The following MTREX variants were observed in gnomAD, a reference collection of about 807,000 sequenced individuals.
The protein encoded by MTREX is exosome RNA helicase MTR4.
A neutral mutation model predicts 135.4 loss-of-function variants in MTREX; 76 were observed. That is an observed-to-expected ratio of 0.56 (90% CI 0.47 to 0.68). The LOEUF (loss-of-function observed/expected upper bound fraction) is 0.68, where lower values mean the gene tolerates loss of function less well. Among genes scored for constraint, MTREX ranks in the 30% least tolerant of loss-of-function variants. MTREX has a pLI of 0.00. For missense variants in MTREX, 920 were observed against 1,262.1 expected (o/e 0.73, Z 4.11); for synonymous variants, 404 against 401.6 (o/e 1.01, Z -0.07).
Position 55,379,153 on chromosome 5 carries a change from C to A in MTREX, c.2010C>A (p.Gly670=). 1 of 1,609,130 alleles carries A rather than the reference C, an allele frequency of 6.2e-7. No individual in the cohort carries two copies. The highest frequency in any genetic ancestry group is 8.5e-7 in the Non-Finnish European group (1 of 1,177,098). Residue 670 remains glycine (G), a synonymous_variant, in exon 18 of 27, where the codon GGC becomes GGA. Transcript: ENST00000230640. ...VKVKNEGDDF[G]WGVVVNFSKK... The stretch of plus-strand genomic sequence containing the variant: ...TAAAGAATGAAGGAGATGACTTTGG[C>A]TGGGGAGTAGTGGTGAATTTCTCAA...
chr5:55,355,565 T>C (rs1304722655), intron 14 of MTREX, among the ~76,000 whole-genome samples: 2 of 152,162 alleles, frequency 1.3e-5, no homozygotes, highest in Non-Finnish European at 2.9e-5. Context: ...TAGTCAGAGA[T>C]AGGCTGGACC....
At chr5:55,414,071 T>G (rs1010983490) in intron 23 of MTREX, 111 bp from the exon 24 acceptor site, 1 of 697,832 alleles carries the variant, frequency 1.4e-6, no homozygotes, top group Non-Finnish European at 2.3e-6. Context: ...TAAGGTCTTA[T>G]AATTTGATAT....
chr5:55,406,145 A>G (rs1750802133), intron 22 of MTREX, among the ~76,000 whole-genome samples: 1 of 152,186 alleles, frequency 6.6e-6, no homozygotes, highest in African/African-American at 2.4e-5. Flanking sequence ...TTTCTGTTTC[A>G]GTAATCTTTT....
chr5:55,359,355 A>G (rs113623997), intron 15 of MTREX, among the ~76,000 whole-genome samples: 2,790 of 152,320 alleles, frequency 0.018, 34 homozygotes, highest in Non-Finnish European at 0.028. Context: ...TAAAAACACA[A>G]AATTAATTGC....
chr5:55,414,145 G>A (rs372726781), intron 23 of MTREX, 37 bp from the exon 24 acceptor site: 41 of 1,457,216 alleles, frequency 2.8e-5, no homozygotes, highest in Non-Finnish European at 3.3e-5. Context: ...AACTTTAAAC[G>A]TGGGTTTTTA....
At chr5:55,387,166 GAACTC>G (rs1254245630) in intron 18 of MTREX, among the ~76,000 whole-genome samples, 1 of 152,022 alleles carries the variant, frequency 6.6e-6, no homozygotes, top group Non-Finnish European at 1.5e-5. Context: ...GAGGAAATTT[GAACTC>G]AATGATTTAA....
intron 25 of MTREX, 85 bp downstream of exon 25, chr5:55,416,217 G>T: frequency 1.2e-6 from 1 of 827,578 alleles, no homozygotes. Flanking sequence ...AGTATAATAT[G>T]TATTTTTAAT....
chr5:55,351,188 A>C (rs1439918823), intron 13 of MTREX, among the ~76,000 whole-genome samples, 159 bp downstream of exon 13: 1 of 152,210 alleles, frequency 6.6e-6, no homozygotes, highest in Non-Finnish European at 1.5e-5. Flanking sequence ...GTTATACTTA[A>C]ATAAATCTTG....
intron 3 of MTREX, 161 bp from the exon 4 acceptor site, chr5:55,327,555 C>T: frequency 1.7e-6 from 1 of 571,808 alleles, no homozygotes; most frequent in East Asian, 2.9e-5. Context: ...TTGCCTTGTT[C>T]TTAAAGACAG....
intron 15 of MTREX, among the ~76,000 whole-genome samples, chr5:55,361,140 A>G (rs150679563): frequency 1.8e-4 from 27 of 152,362 alleles, no homozygotes; most frequent in Middle Eastern, 3.4e-3. Context: ...TAGATAGGCT[A>G]AAAAATAGTC....
Position 55,362,491 on chromosome 5 carries a change from G to C in MTREX, c.1659+3793G>C, listed in dbSNP as rs139841441. ...TTCTCCTACCTCAGCCTCCCAAGTAGCTGAGATTACAGGCATGTGCCGCCA... is the reference window on the plus strand; with the variant it reads ...TTCTCCTACCTCAGCCTCCCAAGTACCTGAGATTACAGGCATGTGCCGCCA... On this transcript the variant is annotated intron_variant, in intron 15 of 26. Coordinates refer to ENST00000230640, the MANE Select transcript of MTREX (RefSeq NM_015360.5). Among the ~76,000 whole-genome samples the C allele has an allele frequency of 2.7e-4, 41 of 152,198 alleles. No individual in the cohort carries two copies. In the East Asian group the frequency reaches 7.0e-3, roughly 26 times the overall value.
At chr5:55,412,609 G>T (rs1750899852) in intron 23 of MTREX, among the ~76,000 whole-genome samples, 1 of 152,180 alleles carries the variant, frequency 6.6e-6, no homozygotes, top group South Asian at 2.1e-4. Context: ...TAAATAAGAT[G>T]ATTAGAAAAG....
intron 14 of MTREX, chr5:55,357,321 T>A (rs1270067595): frequency 6.6e-6 from 1 of 152,466 alleles, no homozygotes; most frequent in Non-Finnish European, 1.5e-5. Context: ...TTAGCCACCC[T>A]GGCTGTGTGA....
In MTREX at chr5:55,378,505, A is replaced by T; in HGVS notation, c.1983+19A>T. The T allele has an allele frequency of 6.3e-7, 1 of 1,584,574 alleles. No individual in the cohort carries two copies. The highest frequency in any genetic ancestry group is 1.2e-5 in the South Asian group (1 of 84,044). ...GGTAAAGGTATGTCATTGTTTCTTC[A>T]TAAAATACTTGAATAATTCAATATT... On this transcript the variant is annotated intron_variant, in intron 17 of 26. Coordinates refer to ENST00000230640, the MANE Select transcript of MTREX (RefSeq NM_015360.5).
In MTREX at chr5:55,340,045, G is replaced by T; in HGVS notation, c.551G>T (p.Arg184Leu). ...AIALALREKQ[R>L]VIFTSPIKAL... ...GCATTGGCCTTAAGGGAAAAGCAGC[G>T]TGTAATATTTACCAGCCCAATTAAG... Residue 184 changes from arginine (R) to leucine (L), a missense_variant, in exon 6 of 27, where the codon CGT becomes CTT. Physicochemically the swap from Arg to Leu is moderately radical, Grantham distance 102 (BLOSUM62 -2). This residue lies in a region of MTREX where 82 missense variants were observed against 107.4 expected (regional missense o/e 0.76). Transcript: ENST00000230640. 1 of 1,583,232 alleles carries T rather than the reference G, an allele frequency of 6.3e-7. No homozygotes were observed. The highest frequency in any genetic ancestry group is 1.2e-5 in the South Asian group (1 of 85,562).
chr5:55,317,227 C>T (rs1315398079), intron 1 of MTREX, among the ~76,000 whole-genome samples: 1 of 152,204 alleles, frequency 6.6e-6, no homozygotes, highest in African/African-American at 2.4e-5. Flanking sequence ...AAGCAATGTA[C>T]AGATTCAATG....
chr5:55,367,268 C>T (rs1332704974), intron 16 of MTREX, among the ~76,000 whole-genome samples: 2 of 151,960 alleles, frequency 1.3e-5, no homozygotes, highest in African/African-American at 2.4e-5. Context: ...GGGTGGATCA[C>T]GAGGTCAAGA....
At chr5:55,322,774 T>C (rs992529272) in intron 2 of MTREX, among the ~76,000 whole-genome samples, 24 of 151,648 alleles carry the variant, frequency 1.6e-4, no homozygotes, top group African/African-American at 5.8e-4. Context: ...ACTGGAAGAG[T>C]GGAATAAAAG....
intron 16 of MTREX, among the ~76,000 whole-genome samples, chr5:55,374,350 A>G (rs1750259822): frequency 6.6e-6 from 1 of 151,236 alleles, no homozygotes; most frequent in Admixed American, 6.6e-5. Context: ...TGCACTGGCA[A>G]AATCATAGCT....
Sources: allele counts gnomAD v4.1 joint callset (sites outside exome capture counted in the v4.1 genomes callset), GRCh38; gene constraint gnomAD v4.1.1; regional missense constraint gnomAD v4.1.1; transcripts MANE v1.5; gene names NCBI Gene and HGNC (gene_info 2026-07-23, HGNC 2026-07-21).